The following TRRAP variants were observed in gnomAD, a reference collection of about 807,000 sequenced individuals.
TRRAP encodes the protein transformation/transcription domain associated protein.
Under a neutral mutation model 438.8 loss-of-function variants are expected in TRRAP, and 41 were observed. The observed-to-expected ratio is 0.09, with a 90% confidence interval of 0.07 to 0.12. TRRAP has a LOEUF of 0.12. TRRAP is among the 10% of genes least tolerant of loss of function. The pLI, the probability that TRRAP is intolerant of heterozygous loss-of-function variation, is 1.00. For synonymous variants in TRRAP, 1,994 were observed against 1,962.9 expected (o/e 1.02, Z -0.42); for missense variants, 3,122 against 5,055.1 (o/e 0.62, Z 11.60).
chr7:99,004,532 G>A (rs1325502562), intron 68 of TRRAP, 117 bp downstream of exon 68: 2 of 853,602 alleles, frequency 2.3e-6, no homozygotes, highest in Non-Finnish European at 3.6e-6. Flanking sequence ...CCTGACATGG[G>A]AGAACATAAG....
At chr7:98,968,404 G>A (rs1432014274) in intron 51 of TRRAP, among the ~76,000 whole-genome samples, 6 of 152,192 alleles carry the variant, frequency 3.9e-5, no homozygotes, top group East Asian at 3.8e-4. Context: ...GTGAGGAGTC[G>A]GGTGCTGGCA....
intron 51 of TRRAP, among the ~76,000 whole-genome samples, chr7:98,969,240 C>T (rs1418934181): frequency 6.6e-6 from 1 of 152,190 alleles, no homozygotes; most frequent in Non-Finnish European, 1.5e-5. Context: ...GGCTATGGTC[C>T]CCATAGCCTC....
chr7:99,007,476 G>A (rs1794224081), intron 69 of TRRAP, among the ~76,000 whole-genome samples: 1 of 152,122 alleles, frequency 6.6e-6, no homozygotes, highest in African/African-American at 2.4e-5. Context: ...AGCCTCCCGA[G>A]TAGCTGGGAC....
At chr7:99,001,476 C>T (rs1224298035) in intron 67 of TRRAP, among the ~76,000 whole-genome samples, 3 of 152,138 alleles carry the variant, frequency 2.0e-5, no homozygotes, top group African/African-American at 7.2e-5. Flanking sequence ...AAAATGTCCA[C>T]ATTATTAAAT....
In TRRAP at chr7:98,915,705, G is replaced by A. The variant is rs370327621; in HGVS notation, c.2200-18G>A. 2.9e-5 allele frequency: 47 copies of A among 1,611,122 alleles called. No individual in the cohort carries two copies. In the African/African-American group the frequency reaches 4.7e-4, roughly 16 times the overall value. On this transcript the variant is annotated intron_variant, in intron 18 of 72. Transcript: ENST00000456197. ...CCTCATTTAGATGCCACTAATCTGC[G>A]TCTTCTCCACCCCGCAGCCTCACTT...
In TRRAP at chr7:98,942,024, C is replaced by T. The variant is rs534464621; in HGVS notation, c.4405-925C>T. ...TGTTGTGAAGGGCAGGTTTGAACAACGCAGGGTAATAAATATGCAACTGTT... is the reference window on the plus strand; with the variant it reads ...TGTTGTGAAGGGCAGGTTTGAACAATGCAGGGTAATAAATATGCAACTGTT... On this transcript the variant is annotated intron_variant, in intron 30 of 72. Coordinates refer to ENST00000456197, the MANE Select transcript of TRRAP (RefSeq NM_001375524.1). 3.2e-4 allele frequency among the ~76,000 whole-genome samples: 49 copies of T among 152,174 alleles called. 1 individual carries two copies. The highest frequency in any genetic ancestry group is 2.0e-4 in the Admixed American group (3 of 15,272).
intron 11 of TRRAP, among the ~76,000 whole-genome samples, chr7:98,902,439 T>A (rs1554406791): frequency 6.6e-6 from 1 of 152,260 alleles, no homozygotes; most frequent in Non-Finnish European, 1.5e-5. Context: ...AATTGGATTA[T>A]AATTTATGCT....
At chr7:98,895,547 C>T (rs1433992603) in intron 6 of TRRAP, among the ~76,000 whole-genome samples, 1 of 152,176 alleles carries the variant, frequency 6.6e-6, no homozygotes, top group African/African-American at 2.4e-5. Context: ...CTTTGCTCTT[C>T]CTGAATCAGA....
chr7:98,945,997 G>A, intron 33 of TRRAP, 47 bp downstream of exon 33: 1 of 1,397,222 alleles, frequency 7.2e-7, no homozygotes, highest in Non-Finnish European at 9.3e-7. Flanking sequence ...GTCGTTGCTG[G>A]TTTTGCTGTG....
At chr7:98,942,891 T>A (rs1790863881) in intron 30 of TRRAP, 58 bp from the exon 31 acceptor site, 2 of 1,580,348 alleles carry the variant, frequency 1.3e-6, no homozygotes, top group African/African-American at 1.3e-5. Context: ...CATAGTAGTT[T>A]CCACCAGTGG....
At chr7:98,942,538 A>C (rs1343516798) in intron 30 of TRRAP, among the ~76,000 whole-genome samples, 1 of 152,020 alleles carries the variant, frequency 6.6e-6, no homozygotes, top group Non-Finnish European at 1.5e-5. Context: ...CTTTATGTTT[A>C]CCTTTTTCCT....
chr7:98,990,429 C>T lies in TRRAP; in HGVS notation c.9592-26C>T, dbSNP rs1444550178. The T allele has an allele frequency of 6.8e-6, 11 of 1,607,380 alleles. No homozygotes were observed. The East Asian group carries it at 2.5e-4, about 36-fold the overall frequency. On this transcript the variant is annotated intron_variant, in intron 63 of 72. Transcript: ENST00000456197. ...TGAGGGCTTCAGAATTGTCATTCTA[C>T]TCTAGAATTTCTCCTTCTGTCTCAG...
chr7:98,943,969 A>G (rs534801899), intron 31 of TRRAP, among the ~76,000 whole-genome samples: 1 of 152,272 alleles, frequency 6.6e-6, no homozygotes, highest in South Asian at 2.1e-4. Flanking sequence ...TGTTTTGTTT[A>G]TGTAAGTCTT....
At chr7:99,008,887 A>G (rs1302325364) in intron 70 of TRRAP, among the ~76,000 whole-genome samples, 1 of 152,224 alleles carries the variant, frequency 6.6e-6, no homozygotes, top group African/African-American at 2.4e-5. Flanking sequence ...CTCACTTGAC[A>G]GCCACACCTG....
intron 57 of TRRAP, 74 bp from the exon 58 acceptor site, chr7:98,978,695 C>T (rs1039536640): frequency 3.8e-6 from 6 of 1,597,404 alleles, no homozygotes; most frequent in Admixed American, 3.3e-5. Context: ...CTCCTTAAAA[C>T]CCTGTCCCTG....
chr7:98,958,713 C>T (rs1226332260), intron 44 of TRRAP, among the ~76,000 whole-genome samples: 1 of 152,154 alleles, frequency 6.6e-6, no homozygotes, highest in African/African-American at 2.4e-5. Flanking sequence ...ATGATCTCGG[C>T]TGATCATTTA....
At chr7:98,922,676 T>G (rs1554410831) in intron 21 of TRRAP, among the ~76,000 whole-genome samples, 1 of 152,184 alleles carries the variant, frequency 6.6e-6, no homozygotes, top group African/African-American at 2.4e-5. Flanking sequence ...GGTATTTTTT[T>G]AAGGATATTA....
rs1419013472 is a variant in TRRAP at position 98,903,585 on chromosome 7, A to G, written c.1036+68A>G. ...GTGGCCATCTTTGGGGACTCGGCTG[A>G]CATTCCATAGTTGTGCTGTGAGGTT... On this transcript the variant is annotated intron_variant, in intron 12 of 72. Transcript: ENST00000456197. 4 of 1,597,018 alleles carry G rather than the reference A, an allele frequency of 2.5e-6. No individual in the cohort carries two copies. The Admixed American group carries it at 6.8e-5, about 27-fold the overall frequency.
rs544235060 is a variant in TRRAP, at chr7:98,976,889, A to C, written c.8248-50A>C. On this transcript the variant is annotated intron_variant, in intron 55 of 72. Coordinates refer to ENST00000456197, the MANE Select transcript of TRRAP (RefSeq NM_001375524.1). This position sits in a 1 kb window ranked among gnomAD's most constrained non-coding sequence, Gnocchi z 4.6. ...CACAGTGAAACTATTTTTAGGGGGGAAAAAAAGTCTCTGTCTCAAGCACTC... is the reference window on the plus strand; with the variant it reads ...CACAGTGAAACTATTTTTAGGGGGGCAAAAAAGTCTCTGTCTCAAGCACTC... 8.1e-6 allele frequency: 12 copies of C among 1,488,902 alleles called. No individual in the cohort carries two copies. Among genetic ancestry groups the C allele is most frequent in the Non-Finnish European group, 1.0e-5 (11 of 1,085,202 alleles). 92.2% of individuals were successfully genotyped at this position (1,488,902 alleles called of 1,614,324 possible). A position where few individuals can be genotyped will look rare whatever the true frequency, so the allele number is the denominator to read the frequency against.
Sources: gnomAD v4.1 joint callset for allele counts (sites outside exome capture counted in the v4.1 genomes callset) on GRCh38, gnomAD v4.1.1 for gene constraint, Gnocchi (gnomAD v3.1) non-coding constraint, MANE v1.5 for transcripts, NCBI Gene and HGNC (gene_info 2026-07-23, HGNC 2026-07-21) for gene names.